The following DOCK3 variants were observed in gnomAD, a reference collection of about 807,000 sequenced individuals.
DOCK3 encodes dedicator of cytokinesis 3, also known as dedicator of cytokinesis protein 3.
In DOCK3, 60 loss-of-function variants were observed where a neutral mutation model predicts 265.6. The observed-to-expected ratio is 0.23, with a 90% CI of 0.18 to 0.28. The LOEUF (loss-of-function observed/expected upper bound fraction) is 0.28, where lower values mean the gene tolerates loss of function less well. Ranked by LOEUF, DOCK3 falls within the 10% of genes least tolerant of loss-of-function variation. The probability of loss-of-function intolerance (pLI) is 1.00; values close to 1 mark genes in which losing one functional copy is unlikely to be tolerated. For missense variants in DOCK3, 1,981 were observed against 2,594.3 expected (o/e 0.76, Z 5.14); for synonymous variants, 881 against 938.0 (o/e 0.94, Z 1.11).
chr3:51,203,500 C>T (rs2088957458), intron 12 of DOCK3, among the ~76,000 whole-genome samples: 1 of 152,160 alleles, frequency 6.6e-6, no homozygotes, highest in Non-Finnish European at 1.5e-5. Context: ...AACCACTGCT[C>T]AGTGAAATTA....
intron 3 of DOCK3, among the ~76,000 whole-genome samples, chr3:50,847,332 G>A (rs879824113): frequency 9.2e-5 from 14 of 152,170 alleles, no homozygotes; most frequent in Admixed American, 3.3e-4. Flanking sequence ...TGTGACCTGA[G>A]AGTATAGTTG....
chr3:51,373,677 A>T lies in DOCK3; in HGVS notation c.5294-792A>T, dbSNP rs191834834. ...CATAACAGTCCCTCAGACTAGGGGA[A>T]ATCACTGCAGAGGCCTCACAGGAGT... On this transcript the variant is annotated intron_variant, in intron 49 of 52. Coordinates refer to ENST00000266037, the MANE Select transcript of DOCK3 (RefSeq NM_004947.5). 9.2e-5 allele frequency among the ~76,000 whole-genome samples: 14 copies of T among 152,352 alleles called. No homozygotes were observed. In the East Asian group the frequency reaches 2.5e-3, roughly 27 times the overall value.
At chr3:50,923,522 C>T (rs1462065707) in intron 4 of DOCK3, among the ~76,000 whole-genome samples, 3 of 152,106 alleles carry the variant, frequency 2.0e-5, no homozygotes, top group South Asian at 2.1e-4. Flanking sequence ...CTCTTTTGCT[C>T]TTCTCTAAAT....
chr3:51,110,828 C>T lies in DOCK3; in HGVS notation c.746+20444C>T, dbSNP rs908165001. 2.7e-5 allele frequency among the ~76,000 whole-genome samples: 4 copies of T among 148,598 alleles called. No individual in the cohort carries two copies. In the East Asian group the frequency reaches 7.7e-4, roughly 29 times the overall value. ...TTGAACAGATTGTTGGAAACCTGACCAGAGCAATTAGGGAGAACAAAGAAT... is the reference window on the plus strand; with the variant it reads ...TTGAACAGATTGTTGGAAACCTGACTAGAGCAATTAGGGAGAACAAAGAAT... On this transcript the variant is annotated intron_variant, in intron 9 of 52. Transcript: ENST00000266037.
chr3:51,011,426 A>T (rs1169622991), intron 5 of DOCK3, among the ~76,000 whole-genome samples: 1 of 152,164 alleles, frequency 6.6e-6, no homozygotes, highest in Non-Finnish European at 1.5e-5. Context: ...TGGCTACTGA[A>T]GCTTGTGCAT....
chr3:50,900,390 A>C (rs1016377989), intron 4 of DOCK3, among the ~76,000 whole-genome samples: 1 of 151,954 alleles, frequency 6.6e-6, no homozygotes, highest in African/African-American at 2.4e-5. Flanking sequence ...CCTTTTTTCA[A>C]GGTTCTTAGC....
At chr3:51,156,251 G>A (rs921747217) in intron 10 of DOCK3, among the ~76,000 whole-genome samples, 1 of 152,204 alleles carries the variant, frequency 6.6e-6, no homozygotes, top group African/African-American at 2.4e-5. Context: ...TCAGATGAGT[G>A]AGTCTAAGAT....
chr3:51,234,369 C>T (rs1444351167), intron 19 of DOCK3, among the ~76,000 whole-genome samples: 1 of 151,972 alleles, frequency 6.6e-6, no homozygotes, highest in East Asian at 1.9e-4. Context: ...TGTTTGAGTT[C>T]CTTATACATT....
At chr3:50,781,279 T>TC in intron 2 of DOCK3, among the ~76,000 whole-genome samples, 1 of 148,734 alleles carries the variant, frequency 6.7e-6, no homozygotes, top group Non-Finnish European at 1.5e-5. Flanking sequence ...TTTTTTTTTT[T>TC]TTTTTTGGAG....
chr3:50,851,539 C>A (rs1228917903), intron 3 of DOCK3, among the ~76,000 whole-genome samples: 1 of 152,132 alleles, frequency 6.6e-6, no homozygotes, highest in East Asian at 1.9e-4. Context: ...CAAGCGGATG[C>A]CCCATATGCC....
chr3:50,970,936 TATATATATATAATGTG>T (rs2077203140), intron 5 of DOCK3, among the ~76,000 whole-genome samples: 1 of 76,390 alleles, frequency 1.3e-5, no homozygotes, highest in African/African-American at 5.5e-5. Flanking sequence ...TATATATATA[TATATATATATAATGTG>T]TGTGTGTGTG....
Position 51,372,593 on chromosome 3 carries a change from C to T in DOCK3, c.5294-1876C>T, listed in dbSNP as rs558244958. Among the ~76,000 whole-genome samples the T allele has an allele frequency of 2.4e-4, 36 of 152,112 alleles. No homozygotes were observed. In the South Asian group the frequency reaches 3.5e-3, roughly 15 times the overall value. ...TTTATGAGCCAGGCTGTGAGCTCCA[C>T]GAGGTGAGAGACCACGGACAACCTG... On this transcript the variant is annotated intron_variant, in intron 49 of 52. Transcript: ENST00000266037.
chr3:51,298,851 T>C (rs1413216588), intron 27 of DOCK3, among the ~76,000 whole-genome samples: 2 of 152,232 alleles, frequency 1.3e-5, no homozygotes, highest in Non-Finnish European at 2.9e-5. Flanking sequence ...TTTGCTATTG[T>C]GAACAGTGCT....
chr3:51,041,523 G>T (rs976271323), intron 5 of DOCK3, among the ~76,000 whole-genome samples: 11 of 151,878 alleles, frequency 7.2e-5, no homozygotes, highest in Admixed American at 7.2e-4. Flanking sequence ...GGCCCAAAAT[G>T]TATTTCTTAA....
chr3:51,197,159 A>C (rs1420515075), intron 12 of DOCK3, among the ~76,000 whole-genome samples: 3 of 152,170 alleles, frequency 2.0e-5, no homozygotes, highest in Non-Finnish European at 1.5e-5. Flanking sequence ...TTTCCTGGAT[A>C]GGTTACGGTA....
At chr3:50,971,019 G>A (rs1464604132) in intron 5 of DOCK3, among the ~76,000 whole-genome samples, 1 of 35,916 alleles carries the variant, frequency 2.8e-5, no homozygotes, top group Non-Finnish European at 6.6e-5. Context: ...TTTTGAGATA[G>A]GGGACTCACT....
chr3:50,689,120 G>A (rs1305240807), intron 1 of DOCK3, among the ~76,000 whole-genome samples: 1 of 152,170 alleles, frequency 6.6e-6, no homozygotes, highest in Non-Finnish European at 1.5e-5. Flanking sequence ...ATTGTCACTT[G>A]CCACTCACTG....
chr3:50,875,294 T>A (rs1404055901), intron 3 of DOCK3, among the ~76,000 whole-genome samples: 1 of 152,240 alleles, frequency 6.6e-6, no homozygotes, highest in East Asian at 1.9e-4. Flanking sequence ...TTCACTTGTT[T>A]CTCTTGCCTG....
At chr3:51,159,197 T>C (rs1175203723) in intron 10 of DOCK3, 47 bp from the exon 11 acceptor site, 1 of 1,575,316 alleles carries the variant, frequency 6.3e-7, no homozygotes, top group African/African-American at 1.3e-5. Flanking sequence ...AATTTTTAAT[T>C]ATTTTCTGTG....
Sources: gnomAD v4.1 joint callset for allele counts (sites outside exome capture counted in the v4.1 genomes callset) on GRCh38, gnomAD v4.1.1 for gene constraint, MANE v1.5 for transcripts, NCBI Gene and HGNC (gene_info 2026-07-23, HGNC 2026-07-21) for gene names.